MUSK: variants seen among roughly 807,000 people sequenced by gnomAD.
MUSK encodes the protein muscle associated receptor tyrosine kinase, also known as muscle, skeletal receptor tyrosine-protein kinase.
A neutral mutation model predicts 88.7 loss-of-function variants in MUSK; 55 were observed. The ratio of observed to expected loss-of-function variants is 0.62; its 90% CI spans 0.50 to 0.78. The LOEUF is 0.78. Among genes scored for constraint, MUSK ranks in the 30% least tolerant of loss-of-function variants. MUSK has a pLI of 0.00. For synonymous variants in MUSK, 387 were observed against 391.9 expected (o/e 0.99, Z 0.15); for missense variants, 1,015 against 1,074.3 (o/e 0.94, Z 0.77).
chr9:110,781,471 A>G (rs375042374), intron 11 of MUSK, among the ~76,000 whole-genome samples: 5 of 151,828 alleles, frequency 3.3e-5, no homozygotes, highest in African/African-American at 1.2e-4. Context: ...AGAGATGGGG[A>G]TTCACCGTGT....
rs2078136304 is a variant in MUSK, at chr9:110,804,518, G to T, written c.*3530G>T. Among the ~76,000 whole-genome samples, 1 of 151,764 alleles carries T rather than the reference G, an allele frequency of 6.6e-6. No homozygotes were observed. Among genetic ancestry groups the T allele is most frequent in the East Asian group, 1.9e-4 (1 of 5,184 alleles). ...TTACTAGTCAGGTTGAATGTTTCTT[G>T]TTCCTAGGTCATTAACAGTTTTTAT... On this transcript the variant is annotated 3_prime_UTR_variant, in exon 15 of 15. Coordinates refer to ENST00000374448, the MANE Select transcript of MUSK (RefSeq NM_005592.4).
intron 11 of MUSK, among the ~76,000 whole-genome samples, chr9:110,782,994 C>G (rs906942354): frequency 1.3e-5 from 2 of 152,196 alleles, no homozygotes; most frequent in African/African-American, 2.4e-5. Context: ...GGCATAATCA[C>G]TGGGTCCACT....
chr9:110,707,656 A>T (rs2076616183), intron 5 of MUSK, among the ~76,000 whole-genome samples: 1 of 152,192 alleles, frequency 6.6e-6, no homozygotes, highest in African/African-American at 2.4e-5. Context: ...TCAGTCAGCA[A>T]TTGCTGGTGG....
At chr9:110,790,235 C>G (rs1402997328) in intron 14 of MUSK, among the ~76,000 whole-genome samples, 1 of 151,896 alleles carries the variant, frequency 6.6e-6, no homozygotes, top group African/African-American at 2.4e-5. Context: ...TCACTGGTAA[C>G]CCCGAGAAGA....
chr9:110,789,590 C>T (rs1052770488), intron 14 of MUSK, among the ~76,000 whole-genome samples: 4 of 152,112 alleles, frequency 2.6e-5, no homozygotes, highest in African/African-American at 9.7e-5. Flanking sequence ...ACTAGCCTGG[C>T]CAACATGGTG....
chr9:110,725,463 A>C (rs996531483), intron 5 of MUSK, among the ~76,000 whole-genome samples: 25 of 152,150 alleles, frequency 1.6e-4, no homozygotes, highest in African/African-American at 5.5e-4. Flanking sequence ...GTTTCTCATA[A>C]ATAAAACTTT....
intron 13 of MUSK, among the ~76,000 whole-genome samples, chr9:110,786,931 T>G (rs2077877820): frequency 6.6e-6 from 1 of 152,116 alleles, no homozygotes; most frequent in Non-Finnish European, 1.5e-5. Flanking sequence ...AGAGGTTACA[T>G]GAATAGTGAA....
intron 5 of MUSK, among the ~76,000 whole-genome samples, chr9:110,714,558 A>G (rs2076720954): frequency 6.6e-6 from 1 of 152,216 alleles, no homozygotes; most frequent in Admixed American, 6.5e-5. Flanking sequence ...AAGCAGACAG[A>G]AACGTAAACA....
intron 6 of MUSK, among the ~76,000 whole-genome samples, chr9:110,739,595 G>C (rs1219377711): frequency 6.6e-6 from 1 of 152,100 alleles, no homozygotes; most frequent in African/African-American, 2.4e-5. Context: ...TATTACACAG[G>C]ATATTCCAAG....
At chr9:110,743,664 C>T (rs2077131972) in intron 6 of MUSK, among the ~76,000 whole-genome samples, 1 of 152,076 alleles carries the variant, frequency 6.6e-6, no homozygotes. Context: ...TTAGAATTTT[C>T]TTAAAGGGAG....
rs1226118934 is a variant in MUSK at position 110,694,400 on chromosome 9, AAAAAAACAAAAAAAC to A, written c.359-998_359-984del. Among the ~76,000 whole-genome samples, 182 of 130,490 alleles carry A rather than the reference AAAAAAACAAAAAAAC, an allele frequency of 1.4e-3. 2 individuals are homozygous for A. Among genetic ancestry groups the A allele is most frequent in the African/African-American group, 5.3e-3 (172 of 32,322 alleles). The allele number at this position is 130,490 out of a possible 152,430, so 85.6% of individuals were successfully genotyped here. ...GACTCCGTCTCAAAAAAAAAAAAAA[AAAAAAACAAAAAAAC>A]AAAACCCAACAGGTCATGAAGGCTT... is the stretch of plus-strand genomic sequence containing the variant. On this transcript the variant is annotated intron_variant, in intron 3 of 14. Coordinates refer to ENST00000374448, the MANE Select transcript of MUSK (RefSeq NM_005592.4).
At chr9:110,689,893 T>TTA (rs1158779338) in intron 3 of MUSK, among the ~76,000 whole-genome samples, 1 of 87,692 alleles carries the variant, frequency 1.1e-5, no homozygotes, top group Non-Finnish European at 2.0e-5. Flanking sequence ...TAAATATAAA[T>TTA]TATATAAATA....
Position 110,747,736 on chromosome 9 carries a change from A to G in MUSK, c.849A>G (p.Ile283Met). Residue 283 changes from isoleucine (I) to methionine (M), a missense_variant, in exon 7 of 15, where the codon ATA (isoleucine) becomes ATG (methionine). Physicochemically the swap from Ile to Met is conservative, Grantham distance 10. Coordinates refer to ENST00000374448, the MANE Select transcript of MUSK (RefSeq NM_005592.4). ...FITKPGLYTCIATNKHGEKFS... is the reference protein window; with the variant it reads ...FITKPGLYTCMATNKHGEKFS... Reference sequence around the variant, plus strand: ...CCAAGCCAGGACTCTACACATGCATAGCTACCAATAAGCATGGGGAGAAGT... The same window carrying G: ...CCAAGCCAGGACTCTACACATGCATGGCTACCAATAAGCATGGGGAGAAGT... The G allele has an allele frequency of 3.7e-6, 6 of 1,613,926 alleles. No individual in the cohort carries two copies. The highest frequency in any genetic ancestry group is 5.1e-6 in the Non-Finnish European group (6 of 1,179,830).
chr9:110,748,359 G>T (rs778969678), intron 7 of MUSK, among the ~76,000 whole-genome samples: 5 of 152,058 alleles, frequency 3.3e-5, no homozygotes, highest in Non-Finnish European at 2.9e-5. Flanking sequence ...GCTATTTCTT[G>T]CGGGCATTTT....
chr9:110,727,299 A>G (rs2076898278), intron 5 of MUSK, among the ~76,000 whole-genome samples: 1 of 152,078 alleles, frequency 6.6e-6, no homozygotes, highest in Admixed American at 6.6e-5. Context: ...CAATGTCTGA[A>G]AAGGGGGTTG....
At chr9:110,719,349 T>C (rs2076782411) in intron 5 of MUSK, among the ~76,000 whole-genome samples, 1 of 152,072 alleles carries the variant, frequency 6.6e-6, no homozygotes, top group East Asian at 1.9e-4. Flanking sequence ...GAGACTCACC[T>C]AACACATAAG....
chr9:110,798,536 G>A (rs1323993082), intron 14 of MUSK, among the ~76,000 whole-genome samples: 1 of 152,102 alleles, frequency 6.6e-6, no homozygotes, highest in Non-Finnish European at 1.5e-5. Context: ...GGCTAGGCAT[G>A]AGGTTTTCTT....
chr9:110,775,289 T>A (rs574845210), intron 9 of MUSK: 90 of 160,978 alleles, frequency 5.6e-4, no homozygotes, highest in Admixed American at 1.5e-3. Context: ...GCCAGGGAGG[T>A]GGTGGTGTTC....
chr9:110,799,101 G>T (rs2078054704), intron 14 of MUSK, among the ~76,000 whole-genome samples: 1 of 152,160 alleles, frequency 6.6e-6, no homozygotes, highest in East Asian at 1.9e-4. Flanking sequence ...GTATTATCCA[G>T]TTGGTATTTC....
Sources: gnomAD v4.1 joint callset for allele counts (sites outside exome capture counted in the v4.1 genomes callset) on GRCh38, gnomAD v4.1.1 for gene constraint, MANE v1.5 for transcripts, NCBI Gene and HGNC (gene_info 2026-07-23, HGNC 2026-07-21) for gene names.